The following IL1RAPL2 variants were observed in gnomAD, a reference collection of about 807,000 sequenced individuals.
The protein encoded by IL1RAPL2 is interleukin 1 receptor accessory protein like 2.
IL1RAPL2 carries 3 observed loss-of-function variants against 44.1 expected under a neutral mutation model. The ratio of observed to expected loss-of-function variants is 0.07; its 90% confidence interval spans 0.03 to 0.18. IL1RAPL2 has a LOEUF of 0.18. Among genes scored for constraint, IL1RAPL2 ranks in the 10% least tolerant of loss-of-function variants. The pLI is 1.00. For synonymous variants in IL1RAPL2, 181 were observed against 178.8 expected, an observed-to-expected ratio of 1.01 and a Z score of -0.10; for missense variants, 391 against 496.4, an observed-to-expected ratio of 0.79 and a Z score of 2.02.
At chrX:105,760,353 C>G (rs1162672405) in intron 10 of IL1RAPL2, among the ~76,000 whole-genome samples, 1 of 112,103 alleles carries the variant, frequency 8.9e-6, no homozygotes, top group Non-Finnish European at 1.9e-5. Context: ...TTCATTAAGG[C>G]TGCACCAGTG....
chrX:104,829,663 G>T (rs747422921), intron 2 of IL1RAPL2, among the ~76,000 whole-genome samples: 1 of 112,183 alleles, frequency 8.9e-6, no homozygotes, highest in South Asian at 3.7e-4. Flanking sequence ...TCCATTCAAT[G>T]GATTCATAAG....
intron 1 of IL1RAPL2, among the ~76,000 whole-genome samples, chrX:104,593,526 C>A (rs1165663252): frequency 1.8e-5 from 2 of 111,703 alleles, no homozygotes; most frequent in Non-Finnish European, 3.8e-5. Context: ...ATTGTGATAA[C>A]CTTCTAATTG....
intron 1 of IL1RAPL2, among the ~76,000 whole-genome samples, chrX:104,587,798 G>C (rs1798283051): frequency 8.9e-6 from 1 of 112,009 alleles, no homozygotes; most frequent in Non-Finnish European, 1.9e-5. Flanking sequence ...TGTATAGCCA[G>C]TTTACCATGT....
chrX:104,727,444 A>G (rs1222271454), intron 2 of IL1RAPL2, among the ~76,000 whole-genome samples: 7 of 111,540 alleles, frequency 6.3e-5, no homozygotes, highest in African/African-American at 2.3e-4. Flanking sequence ...CGGATCCTGG[A>G]AAGATTGCGG....
chrX:105,566,155 C>A (rs2036973250), intron 6 of IL1RAPL2, among the ~76,000 whole-genome samples: 1 of 110,364 alleles, frequency 9.1e-6, no homozygotes, highest in Non-Finnish European at 1.9e-5. Context: ...AACTCCACAA[C>A]TGGAACATGT....
intron 2 of IL1RAPL2, among the ~76,000 whole-genome samples, chrX:104,845,150 C>G (rs939334154): frequency 2.7e-5 from 3 of 111,956 alleles, no homozygotes; most frequent in Non-Finnish European, 5.6e-5. Flanking sequence ...GGCTGAAATC[C>G]TCTTTGAGCT....
intron 2 of IL1RAPL2, among the ~76,000 whole-genome samples, chrX:104,805,276 C>G (rs1260193030): frequency 8.9e-6 from 1 of 111,796 alleles, no homozygotes; most frequent in East Asian, 2.8e-4. Context: ...TTATTTATAT[C>G]CTACTGCTCA....
intron 2 of IL1RAPL2, among the ~76,000 whole-genome samples, chrX:104,752,703 C>T (rs1157521159): frequency 9.1e-6 from 1 of 110,260 alleles, no homozygotes; most frequent in Admixed American, 9.7e-5. Context: ...GAGTTTTCTC[C>T]CTCAAAGCAG....
At chrX:104,776,040 C>T (rs187377534) in intron 2 of IL1RAPL2, among the ~76,000 whole-genome samples, 2 of 111,858 alleles carry the variant, frequency 1.8e-5, no homozygotes, top group African/African-American at 6.5e-5. Flanking sequence ...AAGAGTCATT[C>T]CCAGTGGAGT....
intron 2 of IL1RAPL2, among the ~76,000 whole-genome samples, chrX:104,786,322 T>C (rs1291402845): frequency 8.9e-6 from 1 of 111,896 alleles, no homozygotes; most frequent in Non-Finnish European, 1.9e-5. Context: ...TCTTCCTTCC[T>C]CAATCTGTAT....
chrX:104,819,868 G>T (rs1282634906), intron 2 of IL1RAPL2, among the ~76,000 whole-genome samples: 1 of 111,590 alleles, frequency 9.0e-6, no homozygotes, highest in African/African-American at 3.3e-5. Context: ...AGCACCTCTT[G>T]TTGAGGGCTG....
chrX:105,551,901 C>G (rs1024858946), intron 6 of IL1RAPL2, among the ~76,000 whole-genome samples: 5 of 110,808 alleles, frequency 4.5e-5, no homozygotes, highest in African/African-American at 9.9e-5. Context: ...GTCAGGAGAT[C>G]GAGACCATCC....
chrX:105,684,457 G>A (rs1292413798), intron 6 of IL1RAPL2, among the ~76,000 whole-genome samples: 2 of 112,602 alleles, frequency 1.8e-5, no homozygotes, highest in African/African-American at 3.2e-5. Context: ...TTTGAACTAC[G>A]AGGCAGCAGC....
chrX:105,193,086 T>G (rs1301891878), intron 2 of IL1RAPL2, among the ~76,000 whole-genome samples: 1 of 111,967 alleles, frequency 8.9e-6, no homozygotes, highest in Non-Finnish European at 1.9e-5. Context: ...ACTTACCATG[T>G]CCCATCACAA....
intron 5 of IL1RAPL2, among the ~76,000 whole-genome samples, chrX:105,272,130 G>T (rs1312038910): frequency 2.2e-5 from 2 of 89,429 alleles, no homozygotes; most frequent in African/African-American, 8.3e-5. Flanking sequence ...TGGGGACTGT[G>T]GTGGGGTGGG....
intron 5 of IL1RAPL2, among the ~76,000 whole-genome samples, chrX:105,303,119 G>T (rs373150527): frequency 3.6e-5 from 4 of 112,268 alleles, no homozygotes; most frequent in Non-Finnish European, 7.5e-5. Flanking sequence ...GGGCATGGAG[G>T]AGGGTTGGTG....
intron 2 of IL1RAPL2, among the ~76,000 whole-genome samples, chrX:104,793,566 C>T (rs943262969): frequency 3.6e-5 from 4 of 111,702 alleles, no homozygotes; most frequent in Non-Finnish European, 7.5e-5. Context: ...CTTATGGAAG[C>T]AAATTAATTG....
intron 2 of IL1RAPL2, among the ~76,000 whole-genome samples, chrX:104,828,728 A>G (rs1010254197): frequency 4.4e-5 from 5 of 112,462 alleles, no homozygotes; most frequent in Admixed American, 1.9e-4. Flanking sequence ...CTGTGCCCAC[A>G]GCCGCCCCCT....
chrX:105,657,209 G>C (rs2037683059), intron 6 of IL1RAPL2, among the ~76,000 whole-genome samples: 1 of 111,580 alleles, frequency 9.0e-6, no homozygotes, highest in Non-Finnish European at 1.9e-5. Flanking sequence ...AAAAAATTGA[G>C]GACATCCCTA....
Sources: gnomAD v4.1 joint callset for allele counts (sites outside exome capture counted in the v4.1 genomes callset) on GRCh38, gnomAD v4.1.1 for gene constraint, MANE v1.5 for transcripts, NCBI Gene and HGNC (gene_info 2026-07-23, HGNC 2026-07-21) for gene names.